Variants in ADCY3 observed in about 807,000 individuals in gnomAD.
ADCY3 encodes the protein adenylate cyclase type 3.
In ADCY3, 70 loss-of-function variants were observed where a neutral mutation model predicts 119.4. The ratio of observed to expected loss-of-function variants is 0.59; its 90% CI spans 0.48 to 0.72. The LOEUF is 0.72. Ranked by LOEUF, ADCY3 falls within the 30% of genes least tolerant of loss-of-function variation. The probability of loss-of-function intolerance (pLI) is 0.00; values close to 1 mark genes in which losing one functional copy is unlikely to be tolerated. For missense variants in ADCY3, 1,238 were observed against 1,541.6 expected, an observed-to-expected ratio of 0.80 and a Z score of 3.30; for synonymous variants, 672 against 621.4, an observed-to-expected ratio of 1.08 and a Z score of -1.21.
intron 2 of ADCY3, among the ~76,000 whole-genome samples, chr2:24,889,542 A>G (rs1677438417): frequency 6.6e-6 from 1 of 152,266 alleles, no homozygotes; most frequent in Admixed American, 6.5e-5. Context: ...GTTCAAAAAT[A>G]AAACTGTTGG....
At chr2:24,916,358 G>A (rs566928494) in intron 2 of ADCY3, among the ~76,000 whole-genome samples, 65 of 152,168 alleles carry the variant, frequency 4.3e-4, no homozygotes, top group Non-Finnish European at 4.7e-4. Flanking sequence ...GATGGAGCTA[G>A]AGAGACCAGT....
chr2:24,831,918 G>GAGATC (rs1558419019), intron 11 of ADCY3, among the ~76,000 whole-genome samples, 169 bp from the exon 12 acceptor site: 1 of 69,290 alleles, frequency 1.4e-5, no homozygotes, highest in Non-Finnish European at 3.4e-5. Context: ...CAGGGGCCAG[G>GAGATC]GGACAGCGGA....
At chr2:24,902,955 C>T (rs35072958) in intron 2 of ADCY3, among the ~76,000 whole-genome samples, 49,108 of 151,678 alleles carry the variant, frequency 0.32, 8,088 homozygotes, top group East Asian at 0.38. Context: ...CACTTGAGCC[C>T]AAGAGGTTGA....
At chr2:24,867,836 TGTG>T (rs1311058331) in intron 3 of ADCY3, among the ~76,000 whole-genome samples, 8 of 152,124 alleles carry the variant, frequency 5.3e-5, no homozygotes, top group Admixed American at 1.3e-4. Flanking sequence ...AATAAGGACT[TGTG>T]GGGTTTAAAA....
intron 2 of ADCY3, among the ~76,000 whole-genome samples, chr2:24,877,442 G>A (rs1265748756): frequency 6.6e-6 from 1 of 152,168 alleles, no homozygotes; most frequent in Non-Finnish European, 1.5e-5. Context: ...ACCCCCGCCT[G>A]AAGAACAAAG....
chr2:24,830,645 C>A, intron 13 of ADCY3, 64 bp downstream of exon 13: 1 of 1,335,580 alleles, frequency 7.5e-7, no homozygotes, highest in Non-Finnish European at 1.1e-6. Context: ...TTGTGTGACC[C>A]AAACAGAAGC....
intron 2 of ADCY3, among the ~76,000 whole-genome samples, chr2:24,913,562 C>T (rs867118928): frequency 2.6e-5 from 4 of 152,200 alleles, no homozygotes; most frequent in Non-Finnish European, 4.4e-5. Context: ...CTCCTCTCAA[C>T]CTCACTGAGC....
At chr2:24,877,869 C>A (rs10865315) in intron 2 of ADCY3, 209,080 of 470,566 alleles carry the variant, frequency 0.44, 50,286 homozygotes, top group African/African-American at 0.76. Flanking sequence ...AGGGCAACAG[C>A]TGTACCTGGG....
intron 3 of ADCY3, among the ~76,000 whole-genome samples, chr2:24,863,954 A>G (rs1673985456): frequency 6.6e-6 from 1 of 152,216 alleles, no homozygotes; most frequent in South Asian, 2.1e-4. Context: ...GTGCCTAAGT[A>G]TACTCTCACT....
chr2:24,874,062 G>T (rs1023551207), intron 2 of ADCY3, among the ~76,000 whole-genome samples: 2 of 152,176 alleles, frequency 1.3e-5, no homozygotes, highest in Non-Finnish European at 2.9e-5. Context: ...AATTTTCTGG[G>T]TTCTCTTGGT....
chr2:24,862,774 C>T (rs1233997442), intron 3 of ADCY3, among the ~76,000 whole-genome samples: 1 of 151,870 alleles, frequency 6.6e-6, no homozygotes, highest in African/African-American at 2.4e-5. Flanking sequence ...TTTATAATAC[C>T]ATATTCATTT....
chr2:24,827,657 C>G, intron 14 of ADCY3, 49 bp from the exon 15 acceptor site: 1 of 1,554,112 alleles, frequency 6.4e-7, no homozygotes, highest in Non-Finnish European at 8.7e-7. Context: ...GAACAAGAGC[C>G]TGATGCCCAG....
intron 2 of ADCY3, among the ~76,000 whole-genome samples, chr2:24,910,219 T>C (rs942873091): frequency 1.3e-5 from 2 of 152,172 alleles, no homozygotes; most frequent in Non-Finnish European, 2.9e-5. Context: ...TTTATTCTTT[T>C]TTGAGACCGG....
At position 24,906,064 on chromosome 2, in the gene ADCY3, T is replaced by C. The variant is rs372101395; in HGVS notation, c.675+12249A>G. Among the ~76,000 whole-genome samples the C allele has an allele frequency of 3.9e-5, 6 of 152,256 alleles. No individual in the cohort carries two copies. In the South Asian group the frequency reaches 1.2e-3, roughly 32 times the overall value. On this transcript the variant is annotated intron_variant, in intron 2 of 21. Coordinates refer to ENST00000679454, the MANE Select transcript of ADCY3 (RefSeq NM_004036.5). ...AATGCCACCTGTAATCCCAGCACTTTGGGAGGCTGAGGCGGGCGGATCACC... is the reference window on the plus strand; with the variant it reads ...AATGCCACCTGTAATCCCAGCACTTCGGGAGGCTGAGGCGGGCGGATCACC...
chr2:24,849,203 C>G (rs964465016), intron 3 of ADCY3, among the ~76,000 whole-genome samples: 1 of 152,232 alleles, frequency 6.6e-6, no homozygotes, highest in African/African-American at 2.4e-5. Flanking sequence ...TCAGAAAAGC[C>G]TCTTCAGGCT....
intron 15 of ADCY3, chr2:24,826,772 C>T (rs184328315): frequency 6.6e-6 from 1 of 152,642 alleles, no homozygotes; most frequent in African/African-American, 2.4e-5. Context: ...CACATATACA[C>T]ACGTCTGCGT....
At chr2:24,852,019 ATT>A (rs902548083) in intron 3 of ADCY3, among the ~76,000 whole-genome samples, 2 of 152,154 alleles carry the variant, frequency 1.3e-5, no homozygotes, top group Non-Finnish European at 2.9e-5. Context: ...TGTCACAGTG[ATT>A]GGCTTTCTGT....
Position 24,872,479 on chromosome 2 carries a change from G to A in ADCY3, c.825+91C>T. ...GTGGATGAACGCCAAGCCCCACGGA[G>A]CCAGGGGCTGCCGCTCTGGTTCCTC... On this transcript the variant is annotated intron_variant, in intron 3 of 21. Coordinates refer to ENST00000679454, the MANE Select transcript of ADCY3 (RefSeq NM_004036.5). The surrounding 1 kb of genome is among the most constrained non-coding windows in gnomAD (Gnocchi z 4.4). 6.8e-7 allele frequency: 1 copy of A among 1,478,054 alleles called. No homozygotes were observed. Among genetic ancestry groups the A allele is most frequent in the Non-Finnish European group, 9.2e-7 (1 of 1,091,258 alleles). 91.6% of individuals were successfully genotyped at this position (1,478,054 alleles called of 1,614,324 possible). A position where few individuals can be genotyped will look rare whatever the true frequency, so the allele number is the denominator to read the frequency against.
chr2:24,827,106 G>A (rs1379893736), intron 15 of ADCY3, among the ~76,000 whole-genome samples: 1 of 152,186 alleles, frequency 6.6e-6, no homozygotes, highest in Non-Finnish European at 1.5e-5. Flanking sequence ...TTGAAGGTCT[G>A]TTCAAGTCAT....
Sources: gnomAD v4.1 joint callset for allele counts (sites outside exome capture counted in the v4.1 genomes callset) on GRCh38, gnomAD v4.1.1 for gene constraint, Gnocchi (gnomAD v3.1) non-coding constraint, MANE v1.5 for transcripts, NCBI Gene and HGNC (gene_info 2026-07-23, HGNC 2026-07-21) for gene names.